The following P4HA1 variants were observed in gnomAD, a reference collection of about 807,000 sequenced individuals.
P4HA1 encodes the protein prolyl 4-hydroxylase subunit alpha-1.
P4HA1 carries 24 observed loss-of-function variants against 72.8 expected under a neutral mutation model. That is an observed-to-expected ratio of 0.33 (90% confidence interval 0.24 to 0.46). The LOEUF is 0.46. Among genes scored for constraint, P4HA1 ranks in the 20% least tolerant of loss-of-function variants. The pLI is 1.00. For synonymous variants in P4HA1, 201 were observed against 218.8 expected (o/e 0.92, Z 0.72); for missense variants, 446 against 640.6 (o/e 0.70, Z 3.28).
chr10:73,022,049 C>A (rs1490089987), intron 10 of P4HA1, among the ~76,000 whole-genome samples: 1 of 152,232 alleles, frequency 6.6e-6, no homozygotes, highest in Non-Finnish European at 1.5e-5. Flanking sequence ...GTAGACTCCA[C>A]CTCTGTGGGC....
chr10:73,010,871 GA>G (rs1213160022), intron 13 of P4HA1, 97 bp downstream of exon 13: 136 of 891,962 alleles, frequency 1.5e-4, no homozygotes, highest in Non-Finnish European at 1.9e-4. Flanking sequence ...AAATGAAAAA[GA>G]AAAAAAAATG....
At chr10:73,096,381 C>T (rs1371679846) in intron 1 of P4HA1, among the ~76,000 whole-genome samples, 1 of 152,196 alleles carries the variant, frequency 6.6e-6, no homozygotes, top group African/African-American at 2.4e-5. Flanking sequence ...CTTGCGTTCC[C>T]CTTAGCCTCG....
intron 1 of P4HA1, among the ~76,000 whole-genome samples, chr10:73,083,399 G>A (rs1436238753): frequency 1.3e-5 from 2 of 152,218 alleles, no homozygotes; most frequent in East Asian, 3.9e-4. Flanking sequence ...CAGTATTGTA[G>A]CACTTATTGG....
intron 1 of P4HA1, among the ~76,000 whole-genome samples, chr10:73,085,474 C>T (rs1300456147): frequency 6.6e-6 from 1 of 151,952 alleles, no homozygotes; most frequent in Non-Finnish European, 1.5e-5. Flanking sequence ...ACCTCCACCT[C>T]CTGGGTTCAA....
chr10:73,064,415 T>TAGTG (rs1228632494), intron 5 of P4HA1, among the ~76,000 whole-genome samples: 1 of 152,038 alleles, frequency 6.6e-6, no homozygotes, highest in Non-Finnish European at 1.5e-5. Flanking sequence ...GTTGAGGCTG[T>TAGTG]AGTGAGCTGT....
intron 1 of P4HA1, among the ~76,000 whole-genome samples, chr10:73,095,227 T>TA (rs35159575): frequency 0.087 from 5,849 of 67,218 alleles, 414 homozygotes; most frequent in Admixed American, 0.13. Flanking sequence ...GCTCACAAGC[T>TA]AAAAAAAAAA....
chr10:73,055,124 C>T (rs1280129314), intron 5 of P4HA1, among the ~76,000 whole-genome samples: 2 of 152,100 alleles, frequency 1.3e-5, no homozygotes, highest in African/African-American at 4.8e-5. Flanking sequence ...TCCTGGCTAG[C>T]TGAGAGGCTA....
chr10:73,013,657 CTT>C, intron 12 of P4HA1, among the ~76,000 whole-genome samples: 1 of 152,070 alleles, frequency 6.6e-6, no homozygotes, highest in East Asian at 1.9e-4. Context: ...ACAATCAAAA[CTT>C]TTTTCCATAT....
chr10:73,025,787 G>T (rs1344610990), intron 10 of P4HA1, among the ~76,000 whole-genome samples: 4 of 152,088 alleles, frequency 2.6e-5, no homozygotes, highest in Non-Finnish European at 5.9e-5. Flanking sequence ...AAATCAATGT[G>T]CAAAAATCAC....
chr10:73,087,364 G>A (rs1234907334), intron 1 of P4HA1, among the ~76,000 whole-genome samples: 2 of 151,366 alleles, frequency 1.3e-5, no homozygotes, highest in Admixed American at 1.3e-4. Flanking sequence ...CACCTCCTGG[G>A]TTCAAGTGAT....
At chr10:73,031,999 C>A (rs1156699754) in intron 9 of P4HA1, among the ~76,000 whole-genome samples, 1 of 152,094 alleles carries the variant, frequency 6.6e-6, no homozygotes, top group Non-Finnish European at 1.5e-5. Context: ...TTTATCTAAG[C>A]GTATATCTCT....
chr10:73,066,973 A>T (rs1371332119), intron 5 of P4HA1, among the ~76,000 whole-genome samples: 1 of 152,124 alleles, frequency 6.6e-6, no homozygotes, highest in African/African-American at 2.4e-5. Flanking sequence ...CAGTGTGAAT[A>T]CATCCCACCT....
chr10:73,028,307 AACACACACACAC>A (rs10561551), intron 10 of P4HA1, among the ~76,000 whole-genome samples: 100 of 143,756 alleles, frequency 7.0e-4, no homozygotes, highest in Middle Eastern at 3.5e-3. Context: ...GTCACTGTAA[AACACACACACAC>A]ACACACACAC....
At chr10:73,076,805 T>C (rs1841706953) in intron 1 of P4HA1, among the ~76,000 whole-genome samples, 1 of 152,198 alleles carries the variant, frequency 6.6e-6, no homozygotes, top group Non-Finnish European at 1.5e-5. Context: ...CCCTGACTTG[T>C]CAACCTGTTT....
At chr10:73,056,650 A>T (rs1841154459) in intron 5 of P4HA1, among the ~76,000 whole-genome samples, 2 of 151,928 alleles carry the variant, frequency 1.3e-5, no homozygotes, top group South Asian at 4.1e-4. Flanking sequence ...ATAAATTAAT[A>T]AATAAAAATA....
Position 73,093,872 on chromosome 10 carries a change from A to T in P4HA1, c.-33+2894T>A, listed in dbSNP as rs1431242527. ...AAAAAAAAAAAAAAAAAAAAAAAAAAAATATATATATATATATATATATAT... is the reference window on the plus strand; with the variant it reads ...AAAAAAAAAAAAAAAAAAAAAAAAATAATATATATATATATATATATATAT... On this transcript the variant is annotated intron_variant, in intron 1 of 14. Coordinates refer to ENST00000394890, the MANE Select transcript of P4HA1 (RefSeq NM_001017962.3). Among the ~76,000 whole-genome samples, 162 of 58,322 alleles carry T rather than the reference A, an allele frequency of 2.8e-3. 2 individuals are homozygous for T. Among genetic ancestry groups the T allele is most frequent in the African/African-American group, 0.014 (160 of 11,576 alleles). The allele number at this position is 58,322 out of a possible 152,430, so 38.3% of individuals were successfully genotyped here. A position where few individuals can be genotyped will look rare whatever the true frequency, so the allele number is the denominator to read the frequency against.
intron 7 of P4HA1, among the ~76,000 whole-genome samples, chr10:73,047,881 T>A (rs1302453814): frequency 6.6e-6 from 1 of 151,998 alleles, no homozygotes; most frequent in Non-Finnish European, 1.5e-5. Context: ...CGAAATCTCG[T>A]CTCTACAAAA....
intron 5 of P4HA1, among the ~76,000 whole-genome samples, chr10:73,059,224 T>G (rs1841239548): frequency 6.6e-6 from 1 of 151,556 alleles, no homozygotes; most frequent in African/African-American, 2.4e-5. Flanking sequence ...AGAATGAAAG[T>G]GAGACTTCTA....
Position 73,073,711 on chromosome 10 carries a change from TA to T in P4HA1, c.173+19del, listed in dbSNP as rs1841622506. ...CATCCAGGTTGAGTCAGAGTCATAA[TA>T]AGCAAACATTTTGCTTACTTTTTTA... On this transcript the variant is annotated intron_variant, in intron 3 of 14. Coordinates refer to ENST00000394890, the MANE Select transcript of P4HA1 (RefSeq NM_001017962.3). 2 of 1,085,064 alleles carry T rather than the reference TA, an allele frequency of 1.8e-6. No homozygotes were observed. Among genetic ancestry groups the T allele is most frequent in the African/African-American group, 3.1e-5 (2 of 64,882 alleles). 67.2% of individuals were successfully genotyped at this position (1,085,064 alleles called of 1,614,324 possible).
Sources: allele counts gnomAD v4.1 joint callset (sites outside exome capture counted in the v4.1 genomes callset), GRCh38; gene constraint gnomAD v4.1.1; transcripts MANE v1.5; gene names NCBI Gene and HGNC (gene_info 2026-07-23, HGNC 2026-07-21).